Variants in KCNQ3 observed in about 807,000 individuals in gnomAD.
KCNQ3 encodes the protein potassium voltage-gated channel subfamily Q member 3.
In KCNQ3, 30 loss-of-function variants were observed where a neutral mutation model predicts 92.5. The observed-to-expected ratio is 0.32, with a 90% CI of 0.24 to 0.44. The LOEUF is 0.44. KCNQ3 is among the 20% of genes least tolerant of loss of function. The pLI, the probability that KCNQ3 is intolerant of heterozygous loss-of-function variation, is 1.00. For missense variants in KCNQ3, 913 were observed against 1,140.3 expected (o/e 0.80, Z 2.87); for synonymous variants, 450 against 468.8 (o/e 0.96, Z 0.52).
Position 132,480,203 on chromosome 8 carries a change from CAA to C in KCNQ3, c.328_329del (p.Leu110AspfsTer39). 1 of 1,613,304 alleles carries C rather than the reference CAA, an allele frequency of 6.2e-7. No individual in the cohort carries two copies. The highest frequency in any genetic ancestry group is 8.5e-7 in the Non-Finnish European group (1 of 1,179,504). On this transcript the variant is annotated frameshift_variant, in exon 1 of 15. Coordinates refer to ENST00000388996, the MANE Select transcript of KCNQ3 (RefSeq NM_004519.4). LOFTEE classifies it high-confidence loss of function. ...NNAKYRRIQT[L>X]IYDALERPRG... ...GCGGTCTCTCCAGGGCGTCGTAGAT[CAA>C]AGTTTGGATGCGCCGGTACTTGGCG...
chr8:132,378,982 A>G (rs777431123), intron 1 of KCNQ3, among the ~76,000 whole-genome samples: 3 of 152,256 alleles, frequency 2.0e-5, no homozygotes, highest in Non-Finnish European at 4.4e-5. Context: ...TGAGAAGCCA[A>G]TGGGAACCAT....
chr8:132,286,887 G>A (rs1212939505), intron 1 of KCNQ3, among the ~76,000 whole-genome samples: 1 of 152,120 alleles, frequency 6.6e-6, no homozygotes, highest in Non-Finnish European at 1.5e-5. Flanking sequence ...GTTGTTATGA[G>A]GAGAGGTTAC....
intron 1 of KCNQ3, among the ~76,000 whole-genome samples, chr8:132,472,167 T>C (rs1174159621): frequency 6.6e-6 from 1 of 152,162 alleles, no homozygotes; most frequent in Non-Finnish European, 1.5e-5. Context: ...GGTGGGAATG[T>C]AAATTAGTAC....
At chr8:132,283,833 C>A (rs59253799) in intron 1 of KCNQ3, among the ~76,000 whole-genome samples, 2 of 152,136 alleles carry the variant, frequency 1.3e-5, no homozygotes, top group Admixed American at 1.3e-4. Context: ...CTGATAGCAC[C>A]AAGAAAACAT....
chr8:132,466,829 G>T (rs909355538), intron 1 of KCNQ3, among the ~76,000 whole-genome samples: 1 of 152,124 alleles, frequency 6.6e-6, no homozygotes, highest in Non-Finnish European at 1.5e-5. Flanking sequence ...CGTACACAGT[G>T]TATCAGTACT....
rs17575971 is a variant in KCNQ3 at position 132,175,428 on chromosome 8, A to G, written c.933+25T>C. On this transcript the variant is annotated intron_variant, in intron 5 of 14. Coordinates refer to ENST00000388996, the MANE Select transcript of KCNQ3 (RefSeq NM_004519.4). ...GACTCTTGACAGTCAATCTCACAGA[A>G]TTGGCCTCCAAGGTAGTGACTCACC... The G allele has an allele frequency of 0.063, 101,815 of 1,613,032 alleles. 3,664 individuals carry two copies. Among genetic ancestry groups the G allele is most frequent in the Non-Finnish European group, 0.072 (84,924 of 1,178,996 alleles).
chr8:132,231,444 G>A (rs2130374405), intron 1 of KCNQ3, among the ~76,000 whole-genome samples: 1 of 152,244 alleles, frequency 6.6e-6, no homozygotes, highest in Admixed American at 6.5e-5. Flanking sequence ...CAATGTGACT[G>A]GATTTAAATA....
intron 1 of KCNQ3, among the ~76,000 whole-genome samples, chr8:132,414,401 C>A (rs555588844): frequency 6.6e-6 from 1 of 152,198 alleles, no homozygotes; most frequent in South Asian, 2.1e-4. Flanking sequence ...CAGAGCAGCA[C>A]GTGGATCAGG....
At chr8:132,342,299 C>A (rs768319268) in intron 1 of KCNQ3, among the ~76,000 whole-genome samples, 3 of 151,628 alleles carry the variant, frequency 2.0e-5, no homozygotes, top group African/African-American at 2.4e-5. Flanking sequence ...CTGTCCCCAT[C>A]CATTGATTTC....
At chr8:132,274,499 G>A (rs1816262927) in intron 1 of KCNQ3, among the ~76,000 whole-genome samples, 1 of 152,164 alleles carries the variant, frequency 6.6e-6, no homozygotes, top group African/African-American at 2.4e-5. Context: ...TGCTAAATGA[G>A]AATATGTACT....
At chr8:132,357,975 T>G in intron 1 of KCNQ3, among the ~76,000 whole-genome samples, 1 of 152,210 alleles carries the variant, frequency 6.6e-6, no homozygotes, top group South Asian at 2.1e-4. Flanking sequence ...CTCCATCCCG[T>G]CCTCGACAGC....
At chr8:132,467,439 C>G (rs1822198722) in intron 1 of KCNQ3, among the ~76,000 whole-genome samples, 2 of 152,300 alleles carry the variant, frequency 1.3e-5, no homozygotes, top group Non-Finnish European at 2.9e-5. Flanking sequence ...AATGCCCCAA[C>G]TCAAGGCTGA....
intron 1 of KCNQ3, among the ~76,000 whole-genome samples, chr8:132,293,574 G>C (rs1816920561): frequency 6.6e-6 from 1 of 152,122 alleles, no homozygotes; most frequent in African/African-American, 2.4e-5. Flanking sequence ...GCTGACTCTT[G>C]TTCTTTAATC....
intron 1 of KCNQ3, among the ~76,000 whole-genome samples, chr8:132,280,335 T>C (rs1816474447): frequency 1.3e-5 from 2 of 152,180 alleles, no homozygotes; most frequent in African/African-American, 2.4e-5. Context: ...TGTACAAGCA[T>C]GGTGCTGGCA....
chr8:132,436,093 C>G (rs1246092046), intron 1 of KCNQ3, among the ~76,000 whole-genome samples: 1 of 152,170 alleles, frequency 6.6e-6, no homozygotes, highest in Non-Finnish European at 1.5e-5. Flanking sequence ...GGTCTATAAT[C>G]AAGATTTTCA....
chr8:132,230,860 C>T (rs796264261), intron 1 of KCNQ3, among the ~76,000 whole-genome samples: 4 of 152,226 alleles, frequency 2.6e-5, no homozygotes, highest in African/African-American at 9.6e-5. Flanking sequence ...TCAACTGTGT[C>T]CTCCTCAAAA....
chr8:132,140,916 C>T, intron 10 of KCNQ3: 1 of 585,332 alleles, frequency 1.7e-6, no homozygotes, highest in Non-Finnish European at 3.0e-6. Flanking sequence ...ACTTGGGAGC[C>T]TGCAGCCCTA....
Position 132,127,591 on chromosome 8 carries a change from T to C in KCNQ3, c.*1671A>G, listed in dbSNP as rs1336103559. 6.6e-6 allele frequency: 1 copy of C among 152,238 alleles called. No homozygotes were observed. Among genetic ancestry groups the C allele is most frequent in the South Asian group, 2.1e-4 (1 of 4,832 alleles). The allele number at this position is 152,238 out of a possible 1,614,324, so 9.4% of individuals were successfully genotyped here. A position where few individuals can be genotyped will look rare whatever the true frequency, so the allele number is the denominator to read the frequency against. On this transcript the variant is annotated 3_prime_UTR_variant, in exon 15 of 15. Coordinates refer to ENST00000388996, the MANE Select transcript of KCNQ3 (RefSeq NM_004519.4). ...ACAAGACTGTGAGGGAGAATAGCAG[T>C]GTCAGCTGCATACAGACATTTGTTT...
chr8:132,348,058 G>A (rs1169001796), intron 1 of KCNQ3, among the ~76,000 whole-genome samples: 3 of 151,530 alleles, frequency 2.0e-5, no homozygotes, highest in Non-Finnish European at 4.4e-5. Flanking sequence ...CCAAGGCAGG[G>A]AAGAGTTGGA....
Sources: allele counts gnomAD v4.1 joint callset (sites outside exome capture counted in the v4.1 genomes callset), GRCh38; gene constraint gnomAD v4.1.1; transcripts MANE v1.5; gene names NCBI Gene and HGNC (gene_info 2026-07-23, HGNC 2026-07-21).